The following CSMD1 variants were observed in gnomAD, a reference collection of about 807,000 sequenced individuals.
CSMD1 encodes CUB and Sushi multiple domains 1, also known as CUB and sushi domain-containing protein 1.
In CSMD1, 213 loss-of-function variants were observed where a neutral mutation model predicts 417.5. That is an observed-to-expected ratio of 0.51 (90% confidence interval 0.46 to 0.57). The LOEUF (loss-of-function observed/expected upper bound fraction) is 0.57, where lower values mean the gene tolerates loss of function less well. CSMD1 is among the 20% of genes least tolerant of loss of function. The pLI is 0.00. For synonymous variants in CSMD1, 2,862 were observed against 1,736.8 expected (o/e 1.65, Z -16.11); for missense variants, 6,923 against 4,529.7 (o/e 1.53, Z -15.17).
intron 5 of CSMD1, among the ~76,000 whole-genome samples, chr8:3,910,503 A>G (rs1413454877): frequency 3.3e-5 from 5 of 152,242 alleles, no homozygotes; most frequent in African/African-American, 1.2e-4. Context: ...CCAAGTAAAC[A>G]TTATACAAAT....
At chr8:4,108,284 C>A (rs577775974) in intron 3 of CSMD1, among the ~76,000 whole-genome samples, 1 of 152,158 alleles carries the variant, frequency 6.6e-6, no homozygotes, top group Non-Finnish European at 1.5e-5. Flanking sequence ...TGAATGATCT[C>A]TGGGAAGCCA....
At chr8:3,274,027 C>T (rs1231936866) in intron 26 of CSMD1, among the ~76,000 whole-genome samples, 2 of 151,304 alleles carry the variant, frequency 1.3e-5, no homozygotes, top group Non-Finnish European at 2.9e-5. Context: ...GTTAGGGTGT[C>T]AATTTTGGAT....
intron 17 of CSMD1, among the ~76,000 whole-genome samples, chr8:3,395,750 C>T (rs1380088021): frequency 2.6e-5 from 4 of 152,134 alleles, no homozygotes; most frequent in East Asian, 1.9e-4. Flanking sequence ...CCCAGTGAAA[C>T]GTGTCTATCT....
chr8:4,664,609 A>C (rs866012024), intron 1 of CSMD1, among the ~76,000 whole-genome samples: 1 of 152,218 alleles, frequency 6.6e-6, no homozygotes. Context: ...TTTTTAAAGG[A>C]AAAGAAAATG....
At position 3,355,515 on chromosome 8, in the gene CSMD1, G is replaced by C. The variant is rs566362233; in HGVS notation, c.3304+3637C>G. ...TGGCCACAATGACTGCTCAGGAATAGGCATGGGACTCAATGTGGGCCAATG... is the reference window on the plus strand; with the variant it reads ...TGGCCACAATGACTGCTCAGGAATACGCATGGGACTCAATGTGGGCCAATG... On this transcript the variant is annotated intron_variant, in intron 21 of 69. Transcript: ENST00000635120. Among the ~76,000 whole-genome samples the C allele has an allele frequency of 3.3e-5, 5 of 152,290 alleles. No individual in the cohort carries two copies. The East Asian group carries it at 9.7e-4, about 29-fold the overall frequency.
At chr8:3,384,072 C>T (rs977550779) in intron 18 of CSMD1, among the ~76,000 whole-genome samples, 3 of 151,972 alleles carry the variant, frequency 2.0e-5, no homozygotes, top group Admixed American at 6.6e-5. Flanking sequence ...GCTGTGAAAG[C>T]GAAGTGTGGA....
chr8:3,391,373 T>A (rs376707256), intron 17 of CSMD1, among the ~76,000 whole-genome samples: 1 of 152,196 alleles, frequency 6.6e-6, no homozygotes, highest in Non-Finnish European at 1.5e-5. Flanking sequence ...TAAAATTAAA[T>A]GGAAAACCTT....
intron 5 of CSMD1, among the ~76,000 whole-genome samples, chr8:3,963,276 A>C (rs1461866646): frequency 6.6e-6 from 1 of 152,176 alleles, no homozygotes; most frequent in African/African-American, 2.4e-5. Context: ...GAGTTTGAGG[A>C]ATGCATGAAA....
chr8:3,914,849 C>G (rs1339153503), intron 5 of CSMD1, among the ~76,000 whole-genome samples: 4 of 152,082 alleles, frequency 2.6e-5, no homozygotes, highest in African/African-American at 9.7e-5. Flanking sequence ...GCAAATACTT[C>G]CAAGGCACAC....
chr8:3,670,850 A>G (rs1437252763), intron 7 of CSMD1, among the ~76,000 whole-genome samples: 1 of 150,608 alleles, frequency 6.6e-6, no homozygotes, highest in Non-Finnish European at 1.5e-5. Context: ...TGTATATGGG[A>G]TATATATGTA....
chr8:4,728,645 G>A (rs1422441424), intron 1 of CSMD1, among the ~76,000 whole-genome samples: 1 of 152,096 alleles, frequency 6.6e-6, no homozygotes, highest in Non-Finnish European at 1.5e-5. Context: ...GTATGTTAGA[G>A]AATCTTAACT....
At chr8:3,199,184 AAAAGTACCC>A (rs1796860923) in intron 33 of CSMD1, among the ~76,000 whole-genome samples, 1 of 152,228 alleles carries the variant, frequency 6.6e-6, no homozygotes. Context: ...ATAAAGGTGT[AAAAGTACCC>A]AAAGTTAATA....
chr8:2,992,484 C>T (rs547400702), intron 54 of CSMD1, among the ~76,000 whole-genome samples: 14 of 151,956 alleles, frequency 9.2e-5, no homozygotes, highest in East Asian at 5.8e-4. Flanking sequence ...AGTGCAGTGG[C>T]GTGATCTTGG....
At chr8:3,693,987 TAGTGTG>T (rs1292232607) in intron 7 of CSMD1, among the ~76,000 whole-genome samples, 1 of 150,470 alleles carries the variant, frequency 6.6e-6, no homozygotes, top group Non-Finnish European at 1.5e-5. Flanking sequence ...TGTGTGTTGT[TAGTGTG>T]TGTGTGTTGT....
intron 30 of CSMD1, among the ~76,000 whole-genome samples, chr8:3,211,117 T>C (rs1217117071): frequency 6.6e-6 from 1 of 152,170 alleles, no homozygotes; most frequent in East Asian, 1.9e-4. Context: ...CAGTCACGGC[T>C]CACTGCAGCC....
At chr8:4,325,453 G>T (rs1220124283) in intron 3 of CSMD1, among the ~76,000 whole-genome samples, 2 of 152,142 alleles carry the variant, frequency 1.3e-5, no homozygotes, top group African/African-American at 4.8e-5. Flanking sequence ...TTTACTTCAT[G>T]TAAGAATCGT....
intron 3 of CSMD1, among the ~76,000 whole-genome samples, chr8:4,241,975 A>G (rs1464744615): frequency 6.6e-6 from 1 of 152,214 alleles, no homozygotes; most frequent in Admixed American, 6.5e-5. Context: ...ACGGATTAAC[A>G]TGCCAACAGT....
intron 3 of CSMD1, among the ~76,000 whole-genome samples, chr8:4,123,300 C>A (rs987788034): frequency 6.6e-6 from 1 of 152,166 alleles, no homozygotes; most frequent in Non-Finnish European, 1.5e-5. Flanking sequence ...CAAACATTTT[C>A]CAGGTCACTA....
rs114152205 is a variant in CSMD1 at position 3,829,205 on chromosome 8, A to G, written c.819-75163T>C. ...CTTTCACTTTTCCCCCAAGTCCTCA[A>G]AGTCCATTGTATCCTTCTTATGCCT... On this transcript the variant is annotated intron_variant, in intron 5 of 69. Coordinates refer to ENST00000635120, the MANE Select transcript of CSMD1 (RefSeq NM_033225.6). Among the ~76,000 whole-genome samples, 1,400 of 152,028 alleles carry G rather than the reference A, an allele frequency of 9.2e-3. 35 individuals carry two copies. The highest frequency in any genetic ancestry group is 0.031 in the African/African-American group (1,279 of 41,458).
Sources: gnomAD v4.1 joint callset for allele counts (sites outside exome capture counted in the v4.1 genomes callset) on GRCh38, gnomAD v4.1.1 for gene constraint, MANE v1.5 for transcripts, NCBI Gene and HGNC (gene_info 2026-07-23, HGNC 2026-07-21) for gene names.